The following LPP variants were observed in gnomAD, a reference collection of about 807,000 sequenced individuals.
LPP encodes the protein LIM domain containing preferred translocation partner in lipoma.
A neutral mutation model predicts 60.4 loss-of-function variants in LPP; 38 were observed. The ratio of observed to expected loss-of-function variants is 0.63; its 90% CI spans 0.49 to 0.83. The LOEUF is 0.83. Among genes scored for constraint, LPP ranks in the 40% least tolerant of loss-of-function variants. LPP has a pLI of 0.00. For synonymous variants in LPP, 328 were observed against 290.8 expected (o/e 1.13, Z -1.30); for missense variants, 902 against 783.6 (o/e 1.15, Z -1.80).
At chr3:188,365,253 A>G (rs1396771922) in intron 3 of LPP, among the ~76,000 whole-genome samples, 3 of 152,060 alleles carry the variant, frequency 2.0e-5, no homozygotes, top group African/African-American at 7.2e-5. Flanking sequence ...GCAAGAGAGT[A>G]TTTCCTAGAA....
At chr3:188,620,062 A>T (rs979791830) in intron 7 of LPP, among the ~76,000 whole-genome samples, 3 of 151,998 alleles carry the variant, frequency 2.0e-5, no homozygotes, top group African/African-American at 7.3e-5. Context: ...GCATTTTTTC[A>T]TTCATTTACT....
In LPP at chr3:188,154,187, AGCCGCC is replaced by A. The variant is rs542213743; in HGVS notation, c.-233_-228del. ...CTCCTCTGCCTCTGCCTCCGCCTCC[AGCCGCC>A]GCCGCCGCCGCCGCCGCCGCCACCA... On this transcript the variant is annotated 5_prime_UTR_variant, in exon 1 of 12. Coordinates refer to ENST00000617246, the MANE Select transcript of LPP (RefSeq NM_001375462.1). 155 of 212,042 alleles carry A rather than the reference AGCCGCC, an allele frequency of 7.3e-4. 2 individuals carry two copies. The highest frequency in any genetic ancestry group is 3.4e-3 in the Admixed American group (58 of 17,114). The allele number at this position is 212,042 out of a possible 1,614,324, so 13.1% of individuals were successfully genotyped here.
intron 1 of LPP, among the ~76,000 whole-genome samples, chr3:188,185,189 A>C (rs1168655899): frequency 6.6e-6 from 1 of 151,260 alleles, no homozygotes; most frequent in Non-Finnish European, 1.5e-5. Flanking sequence ...GTCCTCTGTT[A>C]ATTTACAGCT....
intron 9 of LPP, 81 bp downstream of exon 9, chr3:188,760,363 G>C: frequency 6.9e-7 from 1 of 1,451,746 alleles, no homozygotes. Context: ...ATAGAATATA[G>C]CCATCAGATC....
At chr3:188,298,777 T>C (rs1452092533) in intron 2 of LPP, among the ~76,000 whole-genome samples, 1 of 152,134 alleles carries the variant, frequency 6.6e-6, no homozygotes, top group Non-Finnish European at 1.5e-5. Context: ...GAACAAAAGC[T>C]CAGCGTCCTG....
At chr3:188,554,953 A>C (rs759949514) in intron 6 of LPP, among the ~76,000 whole-genome samples, 1 of 152,176 alleles carries the variant, frequency 6.6e-6, no homozygotes. Context: ...GGTTCTATAG[A>C]GAAAAATAAA....
intron 1 of LPP, among the ~76,000 whole-genome samples, chr3:188,219,776 C>G (rs1361165000): frequency 6.6e-6 from 1 of 152,186 alleles, no homozygotes; most frequent in African/African-American, 2.4e-5. Context: ...ACATTTCCTA[C>G]CAACCCCCAG....
rs1251828147 is a variant in LPP, at chr3:188,885,579, A to T, written c.*11100A>T. 1 of 166,778 alleles carries T rather than the reference A, an allele frequency of 6.0e-6. No homozygotes were observed. Among genetic ancestry groups the T allele is most frequent in the Admixed American group, 6.4e-5 (1 of 15,608 alleles). 10.3% of individuals were successfully genotyped at this position (166,778 alleles called of 1,614,324 possible). On this transcript the variant is annotated 3_prime_UTR_variant, in exon 12 of 12. Coordinates refer to ENST00000617246, the MANE Select transcript of LPP (RefSeq NM_001375462.1). The stretch of plus-strand genomic sequence containing the variant: ...TTGGTTCCAAGTCTTTGCTATTGTG[A>T]ATAGTGCCGCAATAAACATAAGTGT...
intron 1 of LPP, among the ~76,000 whole-genome samples, chr3:188,205,782 G>A (rs2149148916): frequency 6.6e-6 from 1 of 152,262 alleles, no homozygotes; most frequent in East Asian, 1.9e-4. Flanking sequence ...TTTTCAAGCT[G>A]TTCTCTTCTG....
intron 2 of LPP, among the ~76,000 whole-genome samples, chr3:188,314,546 T>C (rs1202884803): frequency 6.6e-6 from 1 of 152,174 alleles, no homozygotes; most frequent in Non-Finnish European, 1.5e-5. Context: ...AGATCATTAA[T>C]ATATTAATGA....
chr3:188,529,408 CAT>C (rs145414220), intron 6 of LPP, among the ~76,000 whole-genome samples: 277 of 152,266 alleles, frequency 1.8e-3, no homozygotes, highest in African/African-American at 6.2e-3. Flanking sequence ...ATTAGTCAAA[CAT>C]GTGTTGTAAG....
At chr3:188,466,771 T>C (rs1294662918) in intron 4 of LPP, among the ~76,000 whole-genome samples, 1 of 138,982 alleles carries the variant, frequency 7.2e-6, no homozygotes, top group Admixed American at 7.4e-5. Flanking sequence ...AAGAGCTAAA[T>C]ATACTTGAAA....
chr3:188,619,728 G>A (rs560644057), intron 7 of LPP, among the ~76,000 whole-genome samples: 16 of 152,236 alleles, frequency 1.1e-4, no homozygotes, highest in South Asian at 2.1e-4. Flanking sequence ...TGGGAAGAAC[G>A]TCATGAAATT....
chr3:188,156,652 C>T (rs763785649), intron 1 of LPP, among the ~76,000 whole-genome samples: 22 of 151,962 alleles, frequency 1.4e-4, no homozygotes, highest in Non-Finnish European at 1.6e-4. Context: ...TGGCCAACAT[C>T]GTGAAACCCC....
intron 6 of LPP, among the ~76,000 whole-genome samples, chr3:188,595,437 C>T (rs1388391924): frequency 6.6e-6 from 1 of 152,306 alleles, no homozygotes; most frequent in East Asian, 1.9e-4. Flanking sequence ...AGGATTTCAG[C>T]AGTTGTGCTG....
chr3:188,696,721 A>C (rs2149529347), intron 7 of LPP, among the ~76,000 whole-genome samples: 1 of 152,334 alleles, frequency 6.6e-6, no homozygotes, highest in African/African-American at 2.4e-5. Context: ...GAACCCAAGT[A>C]AGCAGACCCT....
At chr3:188,802,879 C>T (rs1371065643) in intron 9 of LPP, among the ~76,000 whole-genome samples, 1 of 151,940 alleles carries the variant, frequency 6.6e-6, no homozygotes, top group Non-Finnish European at 1.5e-5. Context: ...AGTAAACACA[C>T]TTTTATAATC....
At chr3:188,568,803 C>G (rs1203609501) in intron 6 of LPP, 3 of 151,968 alleles carry the variant, frequency 2.0e-5, no homozygotes, top group Non-Finnish European at 4.4e-5. Flanking sequence ...TGCTGTGGCT[C>G]TGAGGTGAAT....
intron 7 of LPP, among the ~76,000 whole-genome samples, chr3:188,635,929 T>C (rs1433309289): frequency 6.6e-6 from 1 of 152,192 alleles, no homozygotes; most frequent in African/African-American, 2.4e-5. Context: ...AGTAATAAAC[T>C]CTTTGTGTTA....
Sources: gnomAD v4.1 joint callset for allele counts (sites outside exome capture counted in the v4.1 genomes callset) on GRCh38, gnomAD v4.1.1 for gene constraint, MANE v1.5 for transcripts, NCBI Gene and HGNC (gene_info 2026-07-23, HGNC 2026-07-21) for gene names.